The following UTRN variants were observed in gnomAD, a reference collection of about 807,000 sequenced individuals.
UTRN encodes utrophin.
UTRN carries 283 observed loss-of-function variants against 463.9 expected under a neutral mutation model. That is an observed-to-expected ratio of 0.61 (90% CI 0.55 to 0.67). UTRN has a LOEUF of 0.67. UTRN is among the 30% of genes least tolerant of loss of function. The pLI is 0.00. For missense variants in UTRN, 3,922 were observed against 4,084.3 expected (o/e 0.96, Z 1.08); for synonymous variants, 1,442 against 1,431.5 (o/e 1.01, Z -0.17).
intron 69 of UTRN, 134 bp downstream of exon 69, chr6:144,828,989 T>C (rs1780431165): frequency 2.1e-6 from 2 of 939,842 alleles, no homozygotes; most frequent in Non-Finnish European, 3.3e-6. Flanking sequence ...CAAAAATTTC[T>C]ACGTAGATTT....
chr6:144,360,253 A>C (rs186501596), intron 2 of UTRN, among the ~76,000 whole-genome samples: 1 of 151,142 alleles, frequency 6.6e-6, no homozygotes, highest in Non-Finnish European at 1.5e-5. Context: ...GCTCAATGCA[A>C]CCTTCACCTC....
chr6:144,518,282 G>T (rs1050278594), intron 39 of UTRN, among the ~76,000 whole-genome samples: 1 of 151,972 alleles, frequency 6.6e-6, no homozygotes, highest in African/African-American at 2.4e-5. Context: ...TTCCTTCATC[G>T]AAGAAACTGT....
chr6:144,559,906 A>G lies in UTRN; in HGVS notation c.7289+2595A>G, dbSNP rs149563134. ...TTCAAAGTCATGCAACACAGTCAGG[A>G]TGATATTTTTCTATACTAAATGGTA... On this transcript the variant is annotated intron_variant, in intron 50 of 74. Transcript: ENST00000367545. Among the ~76,000 whole-genome samples the G allele has an allele frequency of 5.9e-3, 891 of 152,296 alleles. 8 individuals carry two copies. Among genetic ancestry groups the G allele is most frequent in the African/African-American group, 0.02 (837 of 41,572 alleles).
chr6:144,768,220 T>A (rs770696107), intron 58 of UTRN, among the ~76,000 whole-genome samples: 2 of 151,370 alleles, frequency 1.3e-5, no homozygotes, highest in Non-Finnish European at 2.9e-5. Flanking sequence ...GTGTTTTACT[T>A]TCTGTGGCTT....
At chr6:144,533,357 T>C (rs2128602869) in intron 43 of UTRN, 97 bp downstream of exon 43, 1 of 1,500,480 alleles carries the variant, frequency 6.7e-7, no homozygotes, top group African/African-American at 1.4e-5. Flanking sequence ...TTGTTTGACA[T>C]TATAATAGGA....
At chr6:144,768,948 G>GTTTTTTTTTTTTTTT (rs35525101) in intron 58 of UTRN, among the ~76,000 whole-genome samples, 5 of 126,024 alleles carry the variant, frequency 4.0e-5, no homozygotes, top group East Asian at 2.3e-4. Context: ...TTTGTTTTTT[G>GTTTTTTTTTTTTTTT]TTTTGTTTTG....
chr6:144,840,230 A>G (rs1562971848), intron 72 of UTRN, among the ~76,000 whole-genome samples: 3 of 152,070 alleles, frequency 2.0e-5, no homozygotes, highest in Admixed American at 1.3e-4. Flanking sequence ...TATTTTTTAA[A>G]TAAGAGAACT....
At chr6:144,833,008 T>TG (rs1780799414) in intron 69 of UTRN, among the ~76,000 whole-genome samples, 1 of 152,022 alleles carries the variant, frequency 6.6e-6, no homozygotes, top group South Asian at 2.1e-4. Flanking sequence ...TTAGTAGAGA[T>TG]GGGGTTTCAC....
intron 1 of UTRN, among the ~76,000 whole-genome samples, chr6:144,288,180 C>A (rs1803872832): frequency 6.6e-6 from 1 of 152,238 alleles, no homozygotes; most frequent in Non-Finnish European, 1.5e-5. Context: ...CCATTTTCCT[C>A]TGTACTCTGA....
intron 7 of UTRN, among the ~76,000 whole-genome samples, chr6:144,427,060 T>C (rs1785359904): frequency 6.6e-6 from 1 of 152,186 alleles, no homozygotes. Context: ...TGAGTGTTTT[T>C]GCTATATAAG....
At chr6:144,802,897 T>C in intron 64 of UTRN, 139 bp from the exon 65 acceptor site, 1 of 462,100 alleles carries the variant, frequency 2.2e-6, no homozygotes, top group Non-Finnish European at 3.7e-6. Flanking sequence ...TATAAACAGA[T>C]AGAAGCATGT....
In UTRN at chr6:144,522,463, T is replaced by G. The variant is rs149880005; in HGVS notation, c.5733+292T>G. Among the ~76,000 whole-genome samples, 126 of 152,350 alleles carry G rather than the reference T, an allele frequency of 8.3e-4. No individual in the cohort carries two copies. In the South Asian group the frequency reaches 9.5e-3, roughly 12 times the overall value. ...TAGACCACCTTCCTGTCTTATAAAC[T>G]AGATTGTCAGTTGATGTTAATTGTC... On this transcript the variant is annotated intron_variant, in intron 40 of 74. Transcript: ENST00000367545.
chr6:144,390,474 C>T (rs760317526), intron 2 of UTRN, among the ~76,000 whole-genome samples: 22 of 152,184 alleles, frequency 1.4e-4, no homozygotes, highest in Non-Finnish European at 3.1e-4. Flanking sequence ...GCCAATGGCC[C>T]ACATTACCTG....
At chr6:144,301,620 C>T (rs1293080879) in intron 2 of UTRN, among the ~76,000 whole-genome samples, 14 of 149,700 alleles carry the variant, frequency 9.4e-5, no homozygotes, top group South Asian at 4.2e-4. Context: ...TTCAGCCCTC[C>T]GCCTCCCAGG....
At chr6:144,328,485 G>A (rs116017957) in intron 2 of UTRN, among the ~76,000 whole-genome samples, 10 of 151,952 alleles carry the variant, frequency 6.6e-5, no homozygotes, top group African/African-American at 2.4e-4. Context: ...ATGTCTCTTG[G>A]GAATTTCTTC....
intron 2 of UTRN, among the ~76,000 whole-genome samples, chr6:144,372,712 CG>C (rs1239411963): frequency 3.3e-5 from 5 of 151,862 alleles, no homozygotes; most frequent in African/African-American, 1.2e-4. Context: ...CATGTTGGCC[CG>C]GCTGGTCTTG....
rs530798137 is a variant in UTRN at position 144,423,655 on chromosome 6, C to A, written c.312+29C>A. ...AGTGTGTAATGTGAGTTCTGGGGGT[C>A]TGTGCTGCCATCAGCATTATTTATT... On this transcript the variant is annotated intron_variant, in intron 5 of 74. Transcript: ENST00000367545. The A allele has an allele frequency of 1.7e-5, 27 of 1,609,706 alleles. No homozygotes were observed. In the South Asian group the frequency reaches 2.6e-4, roughly 16 times the overall value.
intron 51 of UTRN, among the ~76,000 whole-genome samples, chr6:144,641,369 T>TA (rs1282506499): frequency 6.6e-6 from 1 of 152,198 alleles, no homozygotes; most frequent in Non-Finnish European, 1.5e-5. Flanking sequence ...ATGTCTGGGT[T>TA]ACAATAAGGG....
chr6:144,828,663 T>G, intron 68 of UTRN, 127 bp from the exon 69 acceptor site: 13 of 898,786 alleles, frequency 1.4e-5, no homozygotes, highest in Non-Finnish European at 2.0e-5. Context: ...TACAGTCGTG[T>G]TAGGAGATTT....
Sources: gnomAD v4.1 joint callset for allele counts (sites outside exome capture counted in the v4.1 genomes callset) on GRCh38, gnomAD v4.1.1 for gene constraint, MANE v1.5 for transcripts, NCBI Gene and HGNC (gene_info 2026-07-23, HGNC 2026-07-21) for gene names.